Variants in MNT observed in about 807,000 individuals in gnomAD.
MNT encodes max-binding protein MNT.
MNT carries 13 observed loss-of-function variants against 40.7 expected under a neutral mutation model. That is an observed-to-expected ratio of 0.32 (90% CI 0.21 to 0.51). MNT has a LOEUF of 0.51. Ranked by LOEUF, MNT falls within the 20% of genes least tolerant of loss-of-function variation. The pLI is 0.98. For synonymous variants in MNT, 426 were observed against 354.8 expected, an observed-to-expected ratio of 1.20 and a Z score of -2.26; for missense variants, 757 against 792.0, an observed-to-expected ratio of 0.96 and a Z score of 0.53.
chr17:2,386,685 G>C lies in MNT; in HGVS notation c.*216C>G, dbSNP rs1025692908. 18 of 482,580 alleles carry C rather than the reference G, an allele frequency of 3.7e-5. No individual in the cohort carries two copies. The East Asian group carries it at 5.9e-4, about 16-fold the overall frequency. 29.9% of individuals were successfully genotyped at this position (482,580 alleles called of 1,614,324 possible). On this transcript the variant is annotated 3_prime_UTR_variant, in exon 6 of 6. Transcript: ENST00000174618. ...AGGTGGCACATTCCATCAGAGTCTC[G>C]CATTTTCTCAGAGTCATCTTACCAA...
At chr17:2,397,369 ATCCCAGGGCCTAACACAGACCCTGCC>A (rs928772718) in intron 1 of MNT, among the ~76,000 whole-genome samples, 6 of 152,092 alleles carry the variant, frequency 3.9e-5, no homozygotes, top group Admixed American at 3.3e-4. Flanking sequence ...AAGGCTCTGG[ATCCCAGGGCCTAACACAGACCCTGCC>A]TCCATTCCTT....
rs2066608731 is a variant in MNT, at chr17:2,400,650, CTGT to C, written c.60_62del (p.Gln21del). The C allele has an allele frequency of 6.3e-6, 10 of 1,586,196 alleles. No homozygotes were observed. Among genetic ancestry groups the C allele is most frequent in the Non-Finnish European group, 8.5e-6 (10 of 1,169,654 alleles). On this transcript the variant is annotated inframe_deletion, in exon 1 of 6. Transcript: ENST00000174618. ...AGCCCGGCCGCTCACCACGTGCTCT[CTGT>C]TGTTGCTGCGCTTGCCATTCCAGGA...
intron 4 of MNT, among the ~76,000 whole-genome samples, chr17:2,393,164 G>A (rs1322347772): frequency 2.1e-5 from 3 of 140,810 alleles, no homozygotes; most frequent in Non-Finnish European, 4.6e-5. Flanking sequence ...CGGGCTGGGA[G>A]CCCCACGTCC....
intron 1 of MNT, 67 bp downstream of exon 1, chr17:2,400,573 G>T: frequency 6.8e-7 from 1 of 1,469,348 alleles, no homozygotes; most frequent in South Asian, 1.3e-5. Flanking sequence ...GTTTCGCGTG[G>T]GTTCGGGGAC....
At chr17:2,390,394 G>GC (rs2066503671) in intron 4 of MNT, 1 of 152,292 alleles carries the variant, frequency 6.6e-6, no homozygotes, top group South Asian at 2.1e-4. Flanking sequence ...CAGGAACAGG[G>GC]CCGCATGCAG....
chr17:2,387,070 T>A lies in MNT; in HGVS notation c.1580A>T (p.Gln527Leu). 2 of 1,566,504 alleles carry A rather than the reference T, an allele frequency of 1.3e-6. No individual in the cohort carries two copies. Among genetic ancestry groups the A allele is most frequent in the Non-Finnish European group, 1.7e-6 (2 of 1,155,676 alleles). The change falls in exon 6 of 6, where the codon CAG becomes CTG. Residue 527 changes from glutamine to leucine, a missense_variant. By Grantham distance (113) the Gln-to-Leu change is moderately radical. This residue lies in a region of MNT where 345 missense variants were observed against 380.1 expected (regional missense o/e 0.91). Coordinates refer to ENST00000174618, the MANE Select transcript of MNT (RefSeq NM_020310.3). ...VSHIAHTLSH[Q>L]QVNGTAGLGP... is the part of the protein sequence containing the mutation. ...CAGGCCGGCCGTGCCGTTGACTTGCTGGTGCGAGAGGGTGTGGGCGATGTG... is the reference window on the plus strand; with the variant it reads ...CAGGCCGGCCGTGCCGTTGACTTGCAGGTGCGAGAGGGTGTGGGCGATGTG...
At chr17:2,394,370 C>T in intron 2 of MNT, 24 bp from the exon 3 acceptor site, 1 of 1,613,358 alleles carries the variant, frequency 6.2e-7, no homozygotes, top group Non-Finnish European at 8.5e-7. Context: ...AGATAGGAGG[C>T]TCAGGGAGGA....
In MNT at chr17:2,386,933, A is replaced by G; in HGVS notation, c.1717T>C (p.Ser573Pro). ...LNPVTMVTMPSFPVSTLKLA is the reference protein window; with the variant it reads ...LNPVTMVTMPPFPVSTLKLA ...AGCTTGAGTGTGCTGACTGGGAAGGAGGGCATGGTGACCATGGTCACAGGG... is the reference window on the plus strand; with the variant it reads ...AGCTTGAGTGTGCTGACTGGGAAGGGGGGCATGGTGACCATGGTCACAGGG... The change falls in exon 6 of 6, where the codon TCC becomes CCC. Residue 573 changes from serine to proline, a missense_variant. Around this residue, in one of 4 missense-constraint regions of MNT, gnomAD observed 345 missense variants for 380.1 expected, o/e 0.91. Coordinates refer to ENST00000174618, the MANE Select transcript of MNT (RefSeq NM_020310.3). 1 of 1,492,052 alleles carries G rather than the reference A, an allele frequency of 6.7e-7. No homozygotes were observed. Among genetic ancestry groups the G allele is most frequent in the South Asian group, 1.4e-5 (1 of 72,712 alleles). The allele number at this position is 1,492,052 out of a possible 1,614,324, so 92.4% of individuals were successfully genotyped here.
chr17:2,386,364 A>C lies in MNT; in HGVS notation c.*537T>G, dbSNP rs533249520. The C allele has an allele frequency of 6.5e-6, 1 of 153,000 alleles. No individual in the cohort carries two copies. The highest frequency in any genetic ancestry group is 1.9e-4 in the East Asian group (1 of 5,190). The allele number at this position is 153,000 out of a possible 1,614,324, so 9.5% of individuals were successfully genotyped here. A position where few individuals can be genotyped will look rare whatever the true frequency, so the allele number is the denominator to read the frequency against. On this transcript the variant is annotated 3_prime_UTR_variant, in exon 6 of 6. Transcript: ENST00000174618. ...GACTCCAGACCAGCCACTTCCTATGATCTGTCACCTGTGCTCAGAGCAAGG... is the reference window on the plus strand; with the variant it reads ...GACTCCAGACCAGCCACTTCCTATGCTCTGTCACCTGTGCTCAGAGCAAGG...
At chr17:2,392,995 C>G (rs567034168) in intron 4 of MNT, among the ~76,000 whole-genome samples, 1 of 152,210 alleles carries the variant, frequency 6.6e-6, no homozygotes, top group South Asian at 2.1e-4. Context: ...ACCCCGCGGT[C>G]GAGGCCGGGG....
At position 2,395,340 on chromosome 17, in the gene MNT, G is replaced by A; in HGVS notation, c.188C>T (p.Pro63Leu). Reference protein sequence around the residue: ...LPVEEPRMEAPPLPLSPPAPP... With the variant: ...LPVEEPRMEALPLPLSPPAPP... The stretch of plus-strand genomic sequence containing the variant: ...AGCCGGTGGAGACAGAGGCAGGGGT[G>A]GCGCCTCCATGCGGGGTTCCTCCAC... The change falls in exon 2 of 6, where the codon CCA becomes CTA. Residue 63 changes from proline to leucine, a missense_variant. Around this residue, in one of 4 missense-constraint regions of MNT, gnomAD observed 335 missense variants for 291.4 expected, o/e 1.15. Coordinates refer to ENST00000174618, the MANE Select transcript of MNT (RefSeq NM_020310.3). 6.2e-7 allele frequency: 1 copy of A among 1,612,056 alleles called. No homozygotes were observed.
intron 1 of MNT, among the ~76,000 whole-genome samples, chr17:2,398,842 G>C (rs565743784): frequency 6.6e-6 from 1 of 152,110 alleles, no homozygotes; most frequent in South Asian, 2.1e-4. Context: ...GACCATCAAG[G>C]CAACAGCCGG....
rs1283013422 is a variant in MNT, at chr17:2,386,919, G to A, written c.1731C>T (p.Ser577=). 2.0e-6 allele frequency: 3 copies of A among 1,484,008 alleles called. No homozygotes were observed. The highest frequency in any genetic ancestry group is 2.7e-6 in the Non-Finnish European group (3 of 1,115,072). 91.9% of individuals were successfully genotyped at this position (1,484,008 alleles called of 1,614,324 possible). ...CTCGTCCTCAAGCCAGCTTGAGTGT[G>A]CTGACTGGGAAGGAGGGCATGGTGA... ...TMVTMPSFPV[S]TLKLA is the part of the protein sequence containing the mutation. The change falls in exon 6 of 6, where the codon AGC becomes AGT. Residue 577 remains serine (S), a synonymous_variant. Coordinates refer to ENST00000174618, the MANE Select transcript of MNT (RefSeq NM_020310.3).
chr17:2,393,958 G>A, intron 4 of MNT, 85 bp downstream of exon 4: 2 of 878,784 alleles, frequency 2.3e-6, no homozygotes, highest in Middle Eastern at 3.8e-4. Context: ...GCCGGGGCGT[G>A]AGGGCGGGGC....
Position 2,384,597 on chromosome 17 carries a change from C to CGTGCGTGCGTGTGT in MNT, c.*2303_*2304insACACACGCACGCAC, listed in dbSNP as rs1555610471. ...GAGGTAAGATGTGTGCGTGTGCGTGCGTGTGTGTGTGTGTGTGTGTGTGTG... is the reference window on the plus strand; with the variant it reads ...GAGGTAAGATGTGTGCGTGTGCGTGCGTGCGTGCGTGTGTGTGTGTGTGTGTGTGTGTGTGTGTG... On this transcript the variant is annotated 3_prime_UTR_variant, in exon 6 of 6. Transcript: ENST00000174618. 1 of 145,662 alleles carries CGTGCGTGCGTGTGT rather than the reference C, an allele frequency of 6.9e-6. No homozygotes were observed. Among genetic ancestry groups the CGTGCGTGCGTGTGT allele is most frequent in the South Asian group, 2.2e-4 (1 of 4,468 alleles). 9.0% of individuals were successfully genotyped at this position (145,662 alleles called of 1,614,324 possible).
chr17:2,395,296 G>T lies in MNT; in HGVS notation c.232C>A (p.Pro78Thr), dbSNP rs758935100. The T allele has an allele frequency of 1.3e-6, 2 of 1,586,156 alleles. No homozygotes were observed. Among genetic ancestry groups the T allele is most frequent in the East Asian group, 2.2e-5 (1 of 44,768 alleles). The stretch of plus-strand genomic sequence containing the variant: ...AGTGGGGCAGGGGTGGCAAGTGGTG[G>T]TGGGGGTGCCGGCGGGGGAGCCGGT... Reference protein sequence around the residue: ...SPPAPPPAPPPPLATPAPLTV... With the variant: ...SPPAPPPAPPTPLATPAPLTV... The change falls in exon 2 of 6, where the codon CCA becomes ACA. Residue 78 changes from proline (P) to threonine (T), a missense_variant. By Grantham distance (38) the Pro-to-Thr change is conservative. Transcript: ENST00000174618.
At position 2,395,516 on chromosome 17, in the gene MNT, C is replaced by T. The variant is rs115318966; in HGVS notation, c.74-62G>A. 1.1e-3 allele frequency: 1,684 copies of T among 1,598,146 alleles called. 23 individuals carry two copies. The African/African-American group carries it at 0.018, about 17-fold the overall frequency. On this transcript the variant is annotated intron_variant, in intron 1 of 5. Coordinates refer to ENST00000174618, the MANE Select transcript of MNT (RefSeq NM_020310.3). ...CGGGGCCCCAGAACTCCAGCCCTAA[C>T]TCGTCCTCTGACCCTAGCCCAGTCA...
rs762930493 is a variant in MNT, at chr17:2,395,147, G to A, written c.381C>T (p.Pro127=). The A allele has an allele frequency of 2.8e-5, 41 of 1,464,422 alleles. No individual in the cohort carries two copies. Among genetic ancestry groups the A allele is most frequent in the Admixed American group, 1.9e-4 (7 of 37,668 alleles). The allele number at this position is 1,464,422 out of a possible 1,614,324, so 90.7% of individuals were successfully genotyped here. A position where few individuals can be genotyped will look rare whatever the true frequency, so the allele number is the denominator to read the frequency against. The change falls in exon 2 of 6, where the codon CCC becomes CCT. Residue 127 remains proline, a synonymous_variant. Transcript: ENST00000174618. The part of the protein sequence containing the change: ...APRQPALVGA[P]GLSIKEPAPL... ...GGGCAGGCTCCTTAATGCTGAGTCC[G>A]GGGGCGCCAACCAGGGCCGGCTGAC...
At chr17:2,393,454 G>A (rs1342646591) in intron 4 of MNT, among the ~76,000 whole-genome samples, 2 of 152,222 alleles carry the variant, frequency 1.3e-5, no homozygotes, top group Non-Finnish European at 2.9e-5. Flanking sequence ...CGGCCCCGGG[G>A]CTGTTTGCCG....
Sources: gnomAD v4.1 joint callset for allele counts (sites outside exome capture counted in the v4.1 genomes callset) on GRCh38, gnomAD v4.1.1 for gene constraint, gnomAD v4.1.1 regional missense constraint, MANE v1.5 for transcripts, NCBI Gene and HGNC (gene_info 2026-07-23, HGNC 2026-07-21) for gene names.